Variants in SCHIP1 observed in about 807,000 individuals in gnomAD.
SCHIP1 encodes schwannomin interacting protein 1, also known as schwannomin-interacting protein 1.
A neutral mutation model predicts 29.7 loss-of-function variants in SCHIP1; 8 were observed. That is an observed-to-expected ratio of 0.27 (90% confidence interval 0.16 to 0.49). SCHIP1 has a LOEUF of 0.49. SCHIP1 is among the 20% of genes least tolerant of loss of function. SCHIP1 has a pLI of 0.99. For synonymous variants in SCHIP1, 76 were observed against 94.9 expected, an observed-to-expected ratio of 0.80 and a Z score of 1.16; for missense variants, 193 against 294.6, an observed-to-expected ratio of 0.66 and a Z score of 2.52.
At chr3:159,748,423 A>G in the SCHIP1 span, among the ~76,000 whole-genome samples, 2 of 152,258 alleles carry the variant, frequency 1.3e-5, no homozygotes, top group Non-Finnish European at 2.9e-5. Flanking sequence ...GAAAAGAATT[A>G]TATAAGAAGT....
the SCHIP1 span, among the ~76,000 whole-genome samples, chr3:159,639,615 G>T: frequency 6.6e-6 from 1 of 152,230 alleles, no homozygotes; most frequent in South Asian, 2.1e-4. Flanking sequence ...ATCCAAAGAG[G>T]TTTGACAGCA....
chr3:159,360,940 G>A, the SCHIP1 span, among the ~76,000 whole-genome samples: 2 of 152,098 alleles, frequency 1.3e-5, no homozygotes, highest in African/African-American at 4.8e-5. Flanking sequence ...TTCTGCTATG[G>A]ATTTCTCTAT....
At chr3:159,882,161 G>T (rs1289079242) in intron 2 of SCHIP1, among the ~76,000 whole-genome samples, 1 of 152,198 alleles carries the variant, frequency 6.6e-6, no homozygotes, top group African/African-American at 2.4e-5. Flanking sequence ...AGGAAGAATT[G>T]AGATCATTTT....
chr3:159,558,277 T>C, the SCHIP1 span, among the ~76,000 whole-genome samples: 46 of 152,342 alleles, frequency 3.0e-4, no homozygotes, highest in African/African-American at 1.0e-3. Context: ...AGAAGATGTG[T>C]GACTTCTTAA....
chr3:159,872,646 C>G (rs900470210), intron 2 of SCHIP1, among the ~76,000 whole-genome samples: 35 of 152,182 alleles, frequency 2.3e-4, no homozygotes, highest in African/African-American at 7.5e-4. Flanking sequence ...ATGAGATCAT[C>G]TTCTGAGAAC....
chr3:159,614,813 G>A, the SCHIP1 span, among the ~76,000 whole-genome samples: 4 of 152,176 alleles, frequency 2.6e-5, no homozygotes, highest in South Asian at 2.1e-4. Context: ...ACTTTTGTTC[G>A]TTTATTTAAT....
chr3:159,599,907 T>C, the SCHIP1 span, among the ~76,000 whole-genome samples: 2 of 152,240 alleles, frequency 1.3e-5, 1 homozygote, highest in South Asian at 4.1e-4. Flanking sequence ...GGTCAGTCTA[T>C]TGGTAACAAA....
chr3:159,719,121 A>C, the SCHIP1 span, among the ~76,000 whole-genome samples: 15 of 152,314 alleles, frequency 9.8e-5, no homozygotes, highest in South Asian at 6.2e-4. Flanking sequence ...TGACAAAAAC[A>C]AGAAATGGGG....
At chr3:159,436,314 C>G in the SCHIP1 span, among the ~76,000 whole-genome samples, 1 of 152,124 alleles carries the variant, frequency 6.6e-6, no homozygotes, top group Middle Eastern at 3.2e-3. Flanking sequence ...CTTTTCAGCA[C>G]CTACTCATTG....
the SCHIP1 span, among the ~76,000 whole-genome samples, chr3:159,590,582 AATAAAT>A: frequency 0.2 from 30,212 of 151,272 alleles, 8,323 homozygotes; most frequent in African/African-American, 0.63. Flanking sequence ...TCTTGAAAAA[AATAAAT>A]AAAAATAAAG....
chr3:159,418,988 G>A, the SCHIP1 span, among the ~76,000 whole-genome samples: 1 of 152,148 alleles, frequency 6.6e-6, no homozygotes, highest in Non-Finnish European at 1.5e-5. Context: ...CAGTTTTCTC[G>A]CCCATGCAAG....
chr3:159,452,129 C>T, the SCHIP1 span, among the ~76,000 whole-genome samples: 26,036 of 149,012 alleles, frequency 0.17, 2,298 homozygotes, highest in South Asian at 0.18. Flanking sequence ...GGTCTCAAAA[C>T]ATTTCTTCTT....
chr3:159,517,497 T>A, the SCHIP1 span, among the ~76,000 whole-genome samples: 1 of 152,168 alleles, frequency 6.6e-6, no homozygotes, highest in Non-Finnish European at 1.5e-5. Context: ...TGATAAAGCA[T>A]TTTAAGAAAG....
At chr3:159,669,306 A>C in the SCHIP1 span, among the ~76,000 whole-genome samples, 1 of 152,242 alleles carries the variant, frequency 6.6e-6, no homozygotes, top group Non-Finnish European at 1.5e-5. Context: ...GGTAGACCCA[A>C]AGAAAGCCCA....
the SCHIP1 span, among the ~76,000 whole-genome samples, chr3:159,560,161 C>T: frequency 1.3e-5 from 2 of 152,180 alleles, no homozygotes; most frequent in Non-Finnish European, 2.9e-5. Context: ...TACTAACAAG[C>T]TCTTTTCGGC....
At chr3:159,492,547 G>T in the SCHIP1 span, among the ~76,000 whole-genome samples, 1 of 152,080 alleles carries the variant, frequency 6.6e-6, no homozygotes, top group African/African-American at 2.4e-5. Flanking sequence ...GGGAAGTTTA[G>T]AGAAAAAAGA....
At chr3:159,715,065 C>A in the SCHIP1 span, among the ~76,000 whole-genome samples, 4 of 152,190 alleles carry the variant, frequency 2.6e-5, no homozygotes, top group African/African-American at 9.6e-5. Context: ...AATGATCAGG[C>A]AGCAACATTT....
chr3:159,394,129 G>A, the SCHIP1 span, among the ~76,000 whole-genome samples: 3 of 150,304 alleles, frequency 2.0e-5, no homozygotes, highest in Non-Finnish European at 4.4e-5. Flanking sequence ...TGTTGTTGGT[G>A]TATAAGAATG....
At chr3:159,534,062 G>A in the SCHIP1 span, among the ~76,000 whole-genome samples, 2 of 152,056 alleles carry the variant, frequency 1.3e-5, no homozygotes, top group African/African-American at 4.8e-5. Flanking sequence ...AAGTTCCATG[G>A]GGGTAAAAGA....
Sources: gnomAD v4.1 joint callset for allele counts (sites outside exome capture counted in the v4.1 genomes callset) on GRCh38, gnomAD v4.1.1 for gene constraint, MANE v1.5 for transcripts, NCBI Gene and HGNC (gene_info 2026-07-23, HGNC 2026-07-21) for gene names.